The following OPN5 variants were observed in gnomAD, a reference collection of about 807,000 sequenced individuals.
The protein encoded by OPN5 is opsin-5.
OPN5 carries 18 observed loss-of-function variants against 41.7 expected under a neutral mutation model. The observed-to-expected ratio is 0.43, with a 90% CI of 0.30 to 0.64. The LOEUF (loss-of-function observed/expected upper bound fraction) is 0.64. Ranked by LOEUF, OPN5 falls within the 30% of genes least tolerant of loss-of-function variation. The probability of loss-of-function intolerance (pLI) is 0.13; values close to 1 mark genes in which losing one functional copy is unlikely to be tolerated. For missense variants in OPN5, 318 were observed against 434.5 expected (o/e 0.73, Z 2.38); for synonymous variants, 178 against 164.3 (o/e 1.08, Z -0.64).
At chr6:47,814,701 C>T (rs1264892573) in intron 6 of OPN5, among the ~76,000 whole-genome samples, 1 of 152,072 alleles carries the variant, frequency 6.6e-6, no homozygotes, top group African/African-American at 2.4e-5. Flanking sequence ...TCCCCAGTGG[C>T]TTCCAATGAT....
chr6:47,803,834 C>T (rs927003844), intron 4 of OPN5, among the ~76,000 whole-genome samples: 9 of 152,144 alleles, frequency 5.9e-5, no homozygotes, highest in Non-Finnish European at 1.2e-4. Flanking sequence ...ACTGCTCAGT[C>T]GAGCTGAACC....
At chr6:47,812,851 G>A (rs2113996091) in intron 6 of OPN5, among the ~76,000 whole-genome samples, 1 of 152,172 alleles carries the variant, frequency 6.6e-6, no homozygotes, top group Non-Finnish European at 1.5e-5. Context: ...GAAGAGGGTG[G>A]CCCCTCTCAC....
intron 4 of OPN5, among the ~76,000 whole-genome samples, chr6:47,797,944 C>T (rs1773629287): frequency 6.6e-6 from 1 of 152,056 alleles, no homozygotes; most frequent in Admixed American, 6.6e-5. Context: ...GCTTCTGGAA[C>T]TCATTATACA....
intron 2 of OPN5, among the ~76,000 whole-genome samples, chr6:47,790,287 G>T (rs1473247353): frequency 6.6e-6 from 1 of 152,016 alleles, no homozygotes; most frequent in Non-Finnish European, 1.5e-5. Context: ...ATATAAAACA[G>T]GTGAAAAAAA....
At chr6:47,802,926 G>C (rs1773830494) in intron 4 of OPN5, among the ~76,000 whole-genome samples, 2 of 152,064 alleles carry the variant, frequency 1.3e-5, no homozygotes, top group South Asian at 4.1e-4. Context: ...TTGCAATTGG[G>C]AAGTGTGAAA....
intron 4 of OPN5, among the ~76,000 whole-genome samples, chr6:47,803,769 G>A (rs964827263): frequency 6.6e-6 from 1 of 152,110 alleles, no homozygotes; most frequent in Non-Finnish European, 1.5e-5. Context: ...AGAGGAGCTC[G>A]GCACCCCCTC....
At chr6:47,810,140 C>T (rs942075826) in intron 5 of OPN5, among the ~76,000 whole-genome samples, 5 of 152,196 alleles carry the variant, frequency 3.3e-5, no homozygotes, top group East Asian at 1.9e-4. Context: ...GCCGTTTATA[C>T]GAAATATAGC....
chr6:47,803,716 A>C (rs1581744296), intron 4 of OPN5, among the ~76,000 whole-genome samples: 1 of 152,204 alleles, frequency 6.6e-6, no homozygotes, highest in Non-Finnish European at 1.5e-5. Context: ...AGCTTCAAGT[A>C]TTAGCTGAAG....
At chr6:47,806,333 G>A (rs764656264) in intron 4 of OPN5, among the ~76,000 whole-genome samples, 13 of 152,062 alleles carry the variant, frequency 8.5e-5, no homozygotes, top group Non-Finnish European at 1.5e-4. Context: ...GCCTGAAATA[G>A]CACAAGTTTT....
At chr6:47,791,229 G>A (rs1331768045) in intron 2 of OPN5, among the ~76,000 whole-genome samples, 1 of 150,596 alleles carries the variant, frequency 6.6e-6, no homozygotes, top group African/African-American at 2.4e-5. Context: ...GATTCCATGA[G>A]AAAAAATGTT....
intron 4 of OPN5, among the ~76,000 whole-genome samples, chr6:47,799,196 GTATATATA>G (rs377613785): frequency 0.15 from 22,077 of 146,688 alleles, 1,758 homozygotes; most frequent in Middle Eastern, 0.18. Context: ...GAGGTGTGAT[GTATATATA>G]TATATATATA....
chr6:47,785,422 T>A (rs1180611053), intron 1 of OPN5, among the ~76,000 whole-genome samples: 1 of 152,212 alleles, frequency 6.6e-6, no homozygotes, highest in Non-Finnish European at 1.5e-5. Flanking sequence ...AGTTAGTTCC[T>A]GGTGGTTTCA....
At chr6:47,788,608 G>T (rs1454732159) in intron 2 of OPN5, among the ~76,000 whole-genome samples, 4 of 151,734 alleles carry the variant, frequency 2.6e-5, no homozygotes, top group Non-Finnish European at 5.9e-5. Context: ...TCCAATAAAC[G>T]TTAAAACTTT....
chr6:47,798,317 A>G (rs9473184), intron 4 of OPN5, among the ~76,000 whole-genome samples: 22,257 of 151,718 alleles, frequency 0.15, 1,730 homozygotes, highest in Middle Eastern at 0.17. Flanking sequence ...ACCAGTCAGT[A>G]CTTCTAGAAC....
chr6:47,795,540 G>A (rs1180337784), exon 4 of OPN5: 1 of 1,613,394 alleles, frequency 6.2e-7, no homozygotes, highest in African/African-American at 1.3e-5. Context: ...TAGCAGCCAT[G>A]TGCTGGAAAT....
At chr6:47,811,900 GA>G in intron 6 of OPN5, 169 bp downstream of exon 6, 1 of 468,078 alleles carries the variant, frequency 2.1e-6, no homozygotes, top group Non-Finnish European at 3.8e-6. Context: ...TGGCTAAATG[GA>G]AACTAGATTA....
intron 2 of OPN5, among the ~76,000 whole-genome samples, chr6:47,791,508 C>G (rs915083263): frequency 3.3e-5 from 5 of 152,182 alleles, no homozygotes; most frequent in African/African-American, 9.7e-5. Context: ...GAAGCCAGGT[C>G]TCTTTGAGAC....
chr6:47,786,306 G>T (rs1327363228), intron 1 of OPN5, among the ~76,000 whole-genome samples: 1 of 152,166 alleles, frequency 6.6e-6, no homozygotes, highest in Non-Finnish European at 1.5e-5. Context: ...GGTAAGTTCA[G>T]TCTTATAATC....
chr6:47,814,792 G>T (rs1762379536), intron 6 of OPN5, among the ~76,000 whole-genome samples: 1 of 152,102 alleles, frequency 6.6e-6, no homozygotes, highest in African/African-American at 2.4e-5. Flanking sequence ...TTTTATGTCT[G>T]GGAGGGTTAT....
Sources: gnomAD v4.1 joint callset for allele counts (sites outside exome capture counted in the v4.1 genomes callset) on GRCh38, gnomAD v4.1.1 for gene constraint, MANE v1.5 for transcripts, NCBI Gene and HGNC (gene_info 2026-07-23, HGNC 2026-07-21) for gene names.